MSRA: variants seen among roughly 807,000 people sequenced by gnomAD.
MSRA encodes the protein methionine sulfoxide reductase A.
Under a neutral mutation model 31.3 loss-of-function variants are expected in MSRA, and 54 were observed. The ratio of observed to expected loss-of-function variants is 1.73; its 90% confidence interval spans 1.39 to 2.17. The LOEUF (loss-of-function observed/expected upper bound fraction) is 2.17, where lower values mean the gene tolerates loss of function less well. MSRA is among the 30% of genes most tolerant of loss of function. The pLI is 0.00. For synonymous variants in MSRA, 169 were observed against 116.5 expected (o/e 1.45, Z -2.90); for missense variants, 507 against 300.9 (o/e 1.69, Z -5.07).
chr8:10,192,195 C>A (rs1276759620), intron 1 of MSRA, among the ~76,000 whole-genome samples: 1 of 152,238 alleles, frequency 6.6e-6, no homozygotes, highest in Non-Finnish European at 1.5e-5. Context: ...CCCATCACTC[C>A]TGTTGTGTTC....
At chr8:10,304,004 C>T (rs1025669916) in intron 4 of MSRA, among the ~76,000 whole-genome samples, 3 of 152,152 alleles carry the variant, frequency 2.0e-5, no homozygotes, top group Admixed American at 6.5e-5. Context: ...GGCGTGATCG[C>T]GTCTCACTGA....
chr8:10,284,926 C>T (rs1399242267), intron 3 of MSRA, among the ~76,000 whole-genome samples: 3 of 151,866 alleles, frequency 2.0e-5, no homozygotes, highest in Admixed American at 1.3e-4. Flanking sequence ...TCTAGTTTTG[C>T]ATCTTCAAAA....
chr8:10,243,445 G>T (rs1797445870), intron 2 of MSRA, among the ~76,000 whole-genome samples: 1 of 152,180 alleles, frequency 6.6e-6, no homozygotes, highest in Non-Finnish European at 1.5e-5. Flanking sequence ...CCGGAGACCT[G>T]TGGATACTTA....
intron 1 of MSRA, among the ~76,000 whole-genome samples, chr8:10,138,199 A>C (rs1284452264): frequency 6.6e-6 from 1 of 152,176 alleles, no homozygotes; most frequent in Non-Finnish European, 1.5e-5. Flanking sequence ...TGCAGTACAG[A>C]TAGAGGTGAA....
At chr8:10,244,724 A>G (rs1797523588) in intron 2 of MSRA, among the ~76,000 whole-genome samples, 1 of 152,196 alleles carries the variant, frequency 6.6e-6, no homozygotes, top group Non-Finnish European at 1.5e-5. Flanking sequence ...TTTTTTAAAA[A>G]TATGTGACCA....
intron 1 of MSRA, among the ~76,000 whole-genome samples, chr8:10,140,472 A>G (rs928736808): frequency 1.3e-5 from 2 of 152,200 alleles, no homozygotes; most frequent in African/African-American, 4.8e-5. Context: ...CATTTGCCAT[A>G]AATGTTTAGC....
chr8:10,154,192 T>C (rs2129038361), intron 1 of MSRA, among the ~76,000 whole-genome samples: 1 of 152,326 alleles, frequency 6.6e-6, no homozygotes, highest in Non-Finnish European at 1.5e-5. Context: ...ACGCAGTCAC[T>C]GAATCTGTGT....
intron 2 of MSRA, among the ~76,000 whole-genome samples, chr8:10,241,009 A>G (rs963975114): frequency 6.6e-6 from 1 of 152,026 alleles, no homozygotes; most frequent in Non-Finnish European, 1.5e-5. Context: ...CTGCTTGTGC[A>G]TGATTCCCGA....
intron 1 of MSRA, among the ~76,000 whole-genome samples, chr8:10,153,230 G>C (rs1803863000): frequency 6.6e-6 from 1 of 152,190 alleles, no homozygotes; most frequent in Admixed American, 6.5e-5. Flanking sequence ...TGGCTGAGAA[G>C]TTGGCCTGGC....
intron 2 of MSRA, among the ~76,000 whole-genome samples, chr8:10,230,505 T>C (rs940396543): frequency 6.6e-6 from 1 of 152,166 alleles, no homozygotes; most frequent in Non-Finnish European, 1.5e-5. Flanking sequence ...AAGTAATGCA[T>C]GCTCATTACA....
At chr8:10,303,383 ACTAT>A (rs1800952000) in intron 4 of MSRA, among the ~76,000 whole-genome samples, 1 of 152,104 alleles carries the variant, frequency 6.6e-6, no homozygotes, top group African/African-American at 2.4e-5. Flanking sequence ...GGGGAATACT[ACTAT>A]GATGAGGGTT....
chr8:10,331,696 CT>C (rs1249611888), intron 5 of MSRA, among the ~76,000 whole-genome samples: 2 of 152,176 alleles, frequency 1.3e-5, no homozygotes, highest in Non-Finnish European at 2.9e-5. Flanking sequence ...CCAGGACCCT[CT>C]GAAGATACCA....
chr8:10,402,844 T>A (rs976402405), intron 5 of MSRA, among the ~76,000 whole-genome samples: 1 of 152,164 alleles, frequency 6.6e-6, no homozygotes, highest in African/African-American at 2.4e-5. Context: ...AAGCACAAAA[T>A]TGTATTTTCC....
chr8:10,184,908 G>T (rs952587162), intron 1 of MSRA, among the ~76,000 whole-genome samples: 1 of 152,194 alleles, frequency 6.6e-6, no homozygotes. Context: ...TGAAAGGAAA[G>T]AAATCAAGGG....
chr8:10,241,219 T>C (rs1488376083), intron 2 of MSRA, among the ~76,000 whole-genome samples: 11 of 152,070 alleles, frequency 7.2e-5, no homozygotes, highest in Non-Finnish European at 1.5e-4. Flanking sequence ...CCCATTAAAC[T>C]AGGCTTCTTG....
chr8:10,056,468 A>G lies in MSRA; in HGVS notation c.142+1810A>G, dbSNP rs1585055038. 4.0e-5 allele frequency among the ~76,000 whole-genome samples: 6 copies of G among 151,318 alleles called. No individual in the cohort carries two copies. In the South Asian group the frequency reaches 1.3e-3, roughly 32 times the overall value. On this transcript the variant is annotated intron_variant, in intron 1 of 5. Coordinates refer to ENST00000317173, the MANE Select transcript of MSRA (RefSeq NM_012331.5). ...TTCTTTTCCAGGCTCTGCTGTCTCC[A>G]TATAGCTGTGAGTGTTTTTGGTACA...
intron 5 of MSRA, among the ~76,000 whole-genome samples, chr8:10,342,052 G>A (rs771861403): frequency 6.6e-5 from 10 of 152,156 alleles, no homozygotes; most frequent in African/African-American, 1.2e-4. Flanking sequence ...TTCCACTGCC[G>A]TCTAAGCTGT....
chr8:10,409,793 G>A (rs998004120), intron 5 of MSRA, among the ~76,000 whole-genome samples: 6 of 152,248 alleles, frequency 3.9e-5, no homozygotes, highest in African/African-American at 1.4e-4. Flanking sequence ...TGGGCACAGC[G>A]GCCCATGCCT....
chr8:10,206,213 T>A (rs1263161421), intron 1 of MSRA, among the ~76,000 whole-genome samples: 1 of 152,198 alleles, frequency 6.6e-6, no homozygotes, highest in African/African-American at 2.4e-5. Context: ...AAGCTCAGCA[T>A]GTTTATTTGA....
Sources: gnomAD v4.1 joint callset for allele counts (sites outside exome capture counted in the v4.1 genomes callset) on GRCh38, gnomAD v4.1.1 for gene constraint, MANE v1.5 for transcripts, NCBI Gene and HGNC (gene_info 2026-07-23, HGNC 2026-07-21) for gene names.